Variants in TNNI3K observed in about 807,000 individuals in gnomAD.
TNNI3K encodes serine/threonine-protein kinase TNNI3K.
In TNNI3K, 140 loss-of-function variants were observed where a neutral mutation model predicts 114.5. That is an observed-to-expected ratio of 1.22 (90% CI 1.07 to 1.41). The LOEUF is 1.41. Ranked by LOEUF, TNNI3K falls within the 40% of genes most tolerant of loss-of-function variation. The pLI is 0.00. For synonymous variants in TNNI3K, 347 were observed against 347.5 expected (o/e 1.00, Z 0.02); for missense variants, 1,125 against 1,007.6 (o/e 1.12, Z -1.58).
In TNNI3K at chr1:74,416,560, T is replaced by G. The variant is rs1031894734; in HGVS notation, c.1773-19520T>G. The G allele has an allele frequency of 6.1e-6, 6 of 985,192 alleles. No homozygotes were observed. The Admixed American group carries it at 2.5e-4, about 40-fold the overall frequency. 61.0% of individuals were successfully genotyped at this position (985,192 alleles called of 1,614,324 possible). On this transcript the variant is annotated intron_variant, in intron 17 of 24. Coordinates refer to ENST00000326637, the MANE Select transcript of TNNI3K (RefSeq NM_015978.3). Reference sequence around the variant, plus strand: ...CCAAGAACCAAATTATAACTTTGCATTCCCCTGATAAAAAGCAACAAAATT... The same window carrying G: ...CCAAGAACCAAATTATAACTTTGCAGTCCCCTGATAAAAAGCAACAAAATT...
In TNNI3K at chr1:74,510,122, C is replaced by T. The variant is rs1333146712; in HGVS notation, c.2351+17856C>T. ...AAAGGTAGACAGTTCTGAGTTTAAA[C>T]ATGACTTAGAGATGTTTAACTACAT... On this transcript the variant is annotated intron_variant, in intron 23 of 24. Transcript: ENST00000326637. Among the ~76,000 whole-genome samples, 4 of 151,996 alleles carry T rather than the reference C, an allele frequency of 2.6e-5. No homozygotes were observed. The Middle Eastern group carries it at 0.01, about 388-fold the overall frequency.
At chr1:74,324,165 G>A (rs1342965527) in intron 5 of TNNI3K, among the ~76,000 whole-genome samples, 5 of 152,216 alleles carry the variant, frequency 3.3e-5, no homozygotes, top group African/African-American at 1.2e-4. Flanking sequence ...AAATACCTAA[G>A]TGTCCAATTT....
chr1:74,473,649 A>G (rs954643354), intron 21 of TNNI3K, among the ~76,000 whole-genome samples: 1 of 152,052 alleles, frequency 6.6e-6, no homozygotes, highest in Non-Finnish European at 1.5e-5. Context: ...AATTTTCCCC[A>G]AGAGGTAAAC....
chr1:74,393,285 A>AAG (rs1001862591), intron 17 of TNNI3K, among the ~76,000 whole-genome samples: 22 of 152,048 alleles, frequency 1.4e-4, no homozygotes, highest in African/African-American at 4.6e-4. Context: ...ACAAAAAAAA[A>AAG]TGAGCATAGA....
chr1:74,254,320 GATA>G (rs1410014451), intron 4 of TNNI3K, among the ~76,000 whole-genome samples: 1 of 152,084 alleles, frequency 6.6e-6, no homozygotes, highest in African/African-American at 2.4e-5. Context: ...GATAAGATAT[GATA>G]ATCTATAGTT....
chr1:74,319,801 C>T (rs746870448), intron 5 of TNNI3K, among the ~76,000 whole-genome samples: 2 of 152,186 alleles, frequency 1.3e-5, no homozygotes, highest in Non-Finnish European at 2.9e-5. Context: ...TTAGGTGCCA[C>T]CTAGCTCTAC....
intron 2 of TNNI3K, 93 bp from the exon 3 acceptor site, chr1:74,249,366 T>C: frequency 8.0e-7 from 1 of 1,254,578 alleles, no homozygotes; most frequent in Non-Finnish European, 1.1e-6. Context: ...ATTTCTGAAT[T>C]GATAGTAACA....
chr1:74,378,750 C>T (rs981948310), intron 17 of TNNI3K: 3 of 150,578 alleles, frequency 2.0e-5, no homozygotes, highest in Non-Finnish European at 4.4e-5. Flanking sequence ...ACAGTCAGCT[C>T]TGTCTTGGTG....
chr1:74,431,314 G>C (rs1665886662), intron 17 of TNNI3K, among the ~76,000 whole-genome samples: 1 of 151,894 alleles, frequency 6.6e-6, no homozygotes, highest in South Asian at 2.1e-4. Context: ...TATTTCTTAA[G>C]ACTATTTTTT....
chr1:74,375,169 T>C (rs1662843050), intron 17 of TNNI3K: 1 of 156,270 alleles, frequency 6.4e-6, no homozygotes, highest in Non-Finnish European at 1.4e-5. Flanking sequence ...TCTTAATTCC[T>C]CATTTGTTCC....
chr1:74,339,879 G>A (rs1660666415), intron 7 of TNNI3K, among the ~76,000 whole-genome samples: 1 of 151,872 alleles, frequency 6.6e-6, no homozygotes, highest in Non-Finnish European at 1.5e-5. Context: ...ATTAAATTTA[G>A]AATTAATAAT....
chr1:74,283,209 T>C (rs1446917256), intron 5 of TNNI3K, among the ~76,000 whole-genome samples: 1 of 152,148 alleles, frequency 6.6e-6, no homozygotes, highest in East Asian at 1.9e-4. Flanking sequence ...TCGAAAATGG[T>C]TTCCTCGGGA....
chr1:74,454,902 A>G (rs1557577079), intron 20 of TNNI3K, among the ~76,000 whole-genome samples: 1 of 152,154 alleles, frequency 6.6e-6, no homozygotes, highest in African/African-American at 2.4e-5. Flanking sequence ...TTAAATGGAC[A>G]TAATAATAAG....
intron 23 of TNNI3K, among the ~76,000 whole-genome samples, chr1:74,529,189 GA>G (rs1454255529): frequency 2.0e-5 from 3 of 152,134 alleles, no homozygotes; most frequent in Non-Finnish European, 2.9e-5. Context: ...AAGAGAAAAA[GA>G]GTAATTTTAT....
chr1:74,418,078 G>A (rs1264122156), intron 17 of TNNI3K: 3 of 393,090 alleles, frequency 7.6e-6, no homozygotes, highest in African/African-American at 6.4e-5. Flanking sequence ...TTACATTCAA[G>A]CAATGGAAAT....
At chr1:74,467,028 G>A (rs1667709005) in intron 21 of TNNI3K, among the ~76,000 whole-genome samples, 1 of 152,174 alleles carries the variant, frequency 6.6e-6, no homozygotes, top group African/African-American at 2.4e-5. Context: ...CAAGTTGGGG[G>A]ACAAAGACAG....
At chr1:74,454,322 C>A (rs1425299372) in intron 20 of TNNI3K, among the ~76,000 whole-genome samples, 1 of 152,098 alleles carries the variant, frequency 6.6e-6, no homozygotes, top group African/African-American at 2.4e-5. Context: ...TTCATTTTAT[C>A]TAACTGTACT....
chr1:74,367,865 A>T (rs753393692), intron 12 of TNNI3K, 43 bp from the exon 13 acceptor site: 3 of 1,530,906 alleles, frequency 2.0e-6, no homozygotes, highest in South Asian at 2.6e-5. Context: ...TGTAGAAAAA[A>T]ATGATCGCTA....
intron 4 of TNNI3K, among the ~76,000 whole-genome samples, chr1:74,259,501 G>T (rs890108170): frequency 3.3e-5 from 5 of 152,170 alleles, no homozygotes; most frequent in Non-Finnish European, 5.9e-5. Context: ...GAAAATGCTG[G>T]CAGGGCATAG....
Sources: allele counts gnomAD v4.1 joint callset (sites outside exome capture counted in the v4.1 genomes callset), GRCh38; gene constraint gnomAD v4.1.1; transcripts MANE v1.5; gene names NCBI Gene and HGNC (gene_info 2026-07-23, HGNC 2026-07-21).